The following AK5 variants were observed in gnomAD, a reference collection of about 807,000 sequenced individuals.
AK5 encodes adenylate kinase 5, also known as adenylate kinase isoenzyme 5.
A neutral mutation model predicts 69.5 loss-of-function variants in AK5; 27 were observed. That is an observed-to-expected ratio of 0.39 (90% CI 0.29 to 0.54). The LOEUF (loss-of-function observed/expected upper bound fraction) is 0.54, where lower values mean the gene tolerates loss of function less well. Among genes scored for constraint, AK5 ranks in the 20% least tolerant of loss-of-function variants. The pLI is 0.71. For missense variants in AK5, 531 were observed against 700.4 expected (o/e 0.76, Z 2.73); for synonymous variants, 260 against 244.4 (o/e 1.06, Z -0.60).
At position 77,286,961 on chromosome 1, in the gene AK5, G is replaced by A; in HGVS notation, c.81G>A (p.Met27Ile). Reference protein sequence around the residue: ...QLFESLLNGLMCSKPEDPVEY... With the variant: ...QLFESLLNGLICSKPEDPVEY... ...TTCAGAGCCTTTTGAATGGACTGAT[G>A]TGTTCTAAGCCCGAAGATCCAGTAG... Residue 27 changes from methionine (M) to isoleucine (I), a missense_variant, in exon 2 of 14, where the codon ATG becomes ATA. Physicochemically the swap from Met to Ile is conservative, Grantham distance 10 (BLOSUM62 1). Coordinates refer to ENST00000354567, the MANE Select transcript of AK5 (RefSeq NM_174858.3). 6.5e-6 allele frequency: 10 copies of A among 1,548,628 alleles called. No individual in the cohort carries two copies. The highest frequency in any genetic ancestry group is 8.7e-6 in the Non-Finnish European group (10 of 1,145,770).
intron 7 of AK5, among the ~76,000 whole-genome samples, chr1:77,413,167 T>G (rs938400023): frequency 3.3e-5 from 5 of 152,018 alleles, no homozygotes; most frequent in Non-Finnish European, 7.4e-5. Context: ...TAACATCCCC[T>G]CCCCAACGTC....
At chr1:77,509,220 T>C (rs1657193770) in intron 10 of AK5, among the ~76,000 whole-genome samples, 1 of 148,876 alleles carries the variant, frequency 6.7e-6, no homozygotes, top group Non-Finnish European at 1.5e-5. Flanking sequence ...GTTTCTGCTA[T>C]CAAGACATTC....
chr1:77,471,463 A>T (rs1037429856), intron 8 of AK5, among the ~76,000 whole-genome samples: 1 of 152,200 alleles, frequency 6.6e-6, no homozygotes, highest in Non-Finnish European at 1.5e-5. Flanking sequence ...CATGCTTTCT[A>T]AATTGTTTCC....
intron 6 of AK5, among the ~76,000 whole-genome samples, chr1:77,353,321 T>C (rs1662315122): frequency 6.6e-6 from 1 of 151,850 alleles, no homozygotes; most frequent in African/African-American, 2.4e-5. Context: ...CTACTAAAAA[T>C]ACAAAAATTA....
chr1:77,329,078 C>T (rs889190178), intron 5 of AK5, among the ~76,000 whole-genome samples: 3 of 151,408 alleles, frequency 2.0e-5, no homozygotes, highest in African/African-American at 7.3e-5. Context: ...ACTAAATTGC[C>T]AACACGTGAA....
intron 10 of AK5, among the ~76,000 whole-genome samples, chr1:77,496,573 C>G (rs964842064): frequency 1.1e-4 from 17 of 152,136 alleles, no homozygotes; most frequent in African/African-American, 3.6e-4. Context: ...GAGGCAGAAT[C>G]AATGGACCAT....
chr1:77,295,557 T>C (rs1658949540), intron 3 of AK5, among the ~76,000 whole-genome samples: 1 of 152,160 alleles, frequency 6.6e-6, no homozygotes. Flanking sequence ...AACTTTCAAG[T>C]CCTTACATAG....
chr1:77,550,934 T>C (rs1339471041), intron 13 of AK5, among the ~76,000 whole-genome samples: 1 of 152,186 alleles, frequency 6.6e-6, no homozygotes, highest in East Asian at 1.9e-4. Flanking sequence ...TCCAGCACTT[T>C]GGGAGGCCAA....
chr1:77,486,419 G>A, intron 10 of AK5, 67 bp downstream of exon 10: 2 of 1,253,114 alleles, frequency 1.6e-6, no homozygotes, highest in Non-Finnish European at 1.1e-6. Context: ...TAGTGGGCCA[G>A]GTGCGGTGGC....
At chr1:77,309,833 C>T (rs565724969) in intron 5 of AK5, among the ~76,000 whole-genome samples, 2 of 151,954 alleles carry the variant, frequency 1.3e-5, no homozygotes, top group Admixed American at 6.6e-5. Context: ...TTTTTAAAAT[C>T]GATTTGGATG....
At chr1:77,475,523 AT>A (rs1237028963) in intron 8 of AK5, among the ~76,000 whole-genome samples, 1 of 102,720 alleles carries the variant, frequency 9.7e-6, no homozygotes, top group African/African-American at 3.7e-5. Flanking sequence ...ATGTATATAT[AT>A]TATATATATA....
At chr1:77,467,033 T>C (rs1411689993) in intron 8 of AK5, among the ~76,000 whole-genome samples, 3 of 152,210 alleles carry the variant, frequency 2.0e-5, no homozygotes, top group Non-Finnish European at 4.4e-5. Context: ...ATACAATAGC[T>C]TCTATGGGAC....
At chr1:77,331,479 A>G (rs1407233589) in intron 5 of AK5, among the ~76,000 whole-genome samples, 1 of 152,192 alleles carries the variant, frequency 6.6e-6, no homozygotes, top group Non-Finnish European at 1.5e-5. Flanking sequence ...AAGATTATCA[A>G]ATGATTTTCC....
chr1:77,299,411 A>G (rs1323422438), intron 5 of AK5, among the ~76,000 whole-genome samples: 1 of 152,138 alleles, frequency 6.6e-6, no homozygotes, highest in East Asian at 1.9e-4. Context: ...CAGTTTATGC[A>G]TCACATGAAA....
chr1:77,292,532 C>T (rs1658747089), intron 2 of AK5, among the ~76,000 whole-genome samples: 1 of 152,124 alleles, frequency 6.6e-6, no homozygotes. Context: ...TTGCTTTGTG[C>T]AAGTGCCTTT....
intron 5 of AK5, among the ~76,000 whole-genome samples, chr1:77,310,674 C>A (rs754628728): frequency 6.6e-6 from 1 of 152,102 alleles, no homozygotes; most frequent in Non-Finnish European, 1.5e-5. Flanking sequence ...AGCCACCGCA[C>A]CCGGCCCTAT....
intron 12 of AK5, among the ~76,000 whole-genome samples, chr1:77,528,890 G>A (rs1431383376): frequency 6.6e-6 from 1 of 152,124 alleles, no homozygotes; most frequent in African/African-American, 2.4e-5. Context: ...TAACTTTGTA[G>A]ATCTCCTTCT....
At position 77,368,512 on chromosome 1, in the gene AK5, G is replaced by A. The variant is rs115350972; in HGVS notation, c.891+27944G>A. On this transcript the variant is annotated intron_variant, in intron 6 of 13. Transcript: ENST00000354567. Reference sequence around the variant, plus strand: ...TCAGCCACCCGTGTGGACAATCTGCGGTTGTTGGCATCACCATCATTCCTG... The same window carrying A: ...TCAGCCACCCGTGTGGACAATCTGCAGTTGTTGGCATCACCATCATTCCTG... Among the ~76,000 whole-genome samples the A allele has an allele frequency of 7.6e-3, 1,144 of 151,332 alleles. 13 individuals carry two copies. The highest frequency in any genetic ancestry group is 0.027 in the African/African-American group (1,099 of 41,286).
intron 5 of AK5, among the ~76,000 whole-genome samples, chr1:77,301,209 A>G (rs563208164): frequency 4.8e-4 from 73 of 152,210 alleles, no homozygotes; most frequent in Admixed American, 8.5e-4. Context: ...TTTAGGGACC[A>G]TGGTTCCTCC....
Sources: allele counts gnomAD v4.1 joint callset (sites outside exome capture counted in the v4.1 genomes callset), GRCh38; gene constraint gnomAD v4.1.1; transcripts MANE v1.5; gene names NCBI Gene and HGNC (gene_info 2026-07-23, HGNC 2026-07-21).